Variants in COX7B2 observed in about 807,000 individuals in gnomAD.
The protein encoded by COX7B2 is cytochrome c oxidase subunit 7B2.
For synonymous variants in COX7B2, 37 were observed against 32.1 expected (o/e 1.15, Z -0.51); for missense variants, 109 against 95.9 (o/e 1.14, Z -0.57).
chr4:46,766,228 T>C (rs1716526069), intron 2 of COX7B2, among the ~76,000 whole-genome samples: 1 of 152,216 alleles, frequency 6.6e-6, no homozygotes, highest in African/African-American at 2.4e-5. Context: ...TGTAGGAATA[T>C]AGTAAAATTC....
intron 2 of COX7B2, among the ~76,000 whole-genome samples, chr4:46,761,077 G>A (rs889643830): frequency 1.3e-5 from 2 of 152,038 alleles, no homozygotes; most frequent in African/African-American, 4.8e-5. Context: ...ATCAAACACA[G>A]GACAACTTCT....
chr4:46,834,915 T>C (rs1313220219), intron 2 of COX7B2, among the ~76,000 whole-genome samples: 1 of 152,028 alleles, frequency 6.6e-6, no homozygotes, highest in African/African-American at 2.4e-5. Context: ...TGCTAGGCAA[T>C]GTGCAAGTCT....
intron 1 of COX7B2, among the ~76,000 whole-genome samples, chr4:46,881,481 G>A (rs528423752): frequency 2.6e-5 from 4 of 152,248 alleles, no homozygotes; most frequent in East Asian, 1.9e-4. Flanking sequence ...AATGGAAGGC[G>A]GCTGAACATG....
At chr4:46,805,979 T>C (rs193191788) in intron 2 of COX7B2, among the ~76,000 whole-genome samples, 158 of 152,298 alleles carry the variant, frequency 1.0e-3, no homozygotes, top group African/African-American at 3.6e-3. Context: ...ATCTTCCTAA[T>C]TCTTGGCACA....
intron 1 of COX7B2, among the ~76,000 whole-genome samples, chr4:46,888,058 T>C (rs1435557131): frequency 1.3e-5 from 2 of 152,152 alleles, no homozygotes; most frequent in African/African-American, 4.8e-5. Context: ...GAAAACAACA[T>C]TTCACAGTGA....
At chr4:46,824,739 T>C (rs572002749) in intron 2 of COX7B2, among the ~76,000 whole-genome samples, 1 of 148,772 alleles carries the variant, frequency 6.7e-6, no homozygotes, top group South Asian at 2.1e-4. Flanking sequence ...TGCAAATCAA[T>C]AAATGTAATT....
At chr4:46,806,659 G>C (rs1274895314) in intron 2 of COX7B2, among the ~76,000 whole-genome samples, 1 of 151,958 alleles carries the variant, frequency 6.6e-6, no homozygotes, top group Admixed American at 6.5e-5. Flanking sequence ...CTACCACTTT[G>C]TATCCCCTAA....
chr4:46,896,346 T>C (rs908377618), intron 1 of COX7B2, among the ~76,000 whole-genome samples: 2 of 152,206 alleles, frequency 1.3e-5, no homozygotes, highest in South Asian at 2.1e-4. Flanking sequence ...TTTATCACTG[T>C]AGCAGTTATG....
chr4:46,775,162 A>G (rs1227269809), intron 2 of COX7B2, among the ~76,000 whole-genome samples: 2 of 152,090 alleles, frequency 1.3e-5, no homozygotes, highest in Non-Finnish European at 2.9e-5. Flanking sequence ...CAGATTCTTT[A>G]AGATAATGAC....
intron 2 of COX7B2, among the ~76,000 whole-genome samples, chr4:46,786,906 G>T (rs567114549): frequency 1.3e-5 from 2 of 152,286 alleles, no homozygotes; most frequent in African/African-American, 4.8e-5. Flanking sequence ...TCTGGGCAAA[G>T]AACCCACCCT....
At chr4:46,758,604 A>T (rs1166193268) in intron 2 of COX7B2, among the ~76,000 whole-genome samples, 1 of 152,192 alleles carries the variant, frequency 6.6e-6, no homozygotes, top group Non-Finnish European at 1.5e-5. Context: ...AATAGCTGTG[A>T]ATAAGTCCAA....
chr4:46,882,737 A>C (rs1035482415), intron 1 of COX7B2, among the ~76,000 whole-genome samples: 1 of 152,104 alleles, frequency 6.6e-6, no homozygotes, highest in African/African-American at 2.4e-5. Flanking sequence ...GTTGACCCAA[A>C]TTTTTTAACA....
chr4:46,897,214 A>G (rs2109885654), intron 1 of COX7B2, among the ~76,000 whole-genome samples: 1 of 152,076 alleles, frequency 6.6e-6, no homozygotes, highest in East Asian at 1.9e-4. Flanking sequence ...CACTCAGGCC[A>G]CAGGCTCTGT....
intron 2 of COX7B2, among the ~76,000 whole-genome samples, chr4:46,812,830 A>G (rs1198370513): frequency 6.6e-6 from 1 of 152,184 alleles, no homozygotes; most frequent in African/African-American, 2.4e-5. Flanking sequence ...CCTCTGGATC[A>G]CTGGGTTCAG....
intron 1 of COX7B2, among the ~76,000 whole-genome samples, chr4:46,850,741 G>T (rs924947122): frequency 2.4e-4 from 37 of 151,966 alleles, no homozygotes; most frequent in Admixed American, 5.9e-4. Context: ...CTGTACATAG[G>T]TCGAACATAT....
At chr4:46,812,893 G>A (rs571104224) in intron 2 of COX7B2, among the ~76,000 whole-genome samples, 25 of 152,246 alleles carry the variant, frequency 1.6e-4, no homozygotes, top group African/African-American at 3.9e-4. Flanking sequence ...TTGGGCCAGG[G>A]GCTCATATTT....
intron 1 of COX7B2, among the ~76,000 whole-genome samples, chr4:46,869,249 G>T (rs2109819304): frequency 6.6e-6 from 1 of 152,004 alleles, no homozygotes; most frequent in South Asian, 2.1e-4. Context: ...CCTTTATTTT[G>T]AGCCTATGAG....
chr4:46,763,052 A>G (rs1033452097), intron 2 of COX7B2, among the ~76,000 whole-genome samples: 1 of 120,772 alleles, frequency 8.3e-6, no homozygotes, highest in South Asian at 2.4e-4. Flanking sequence ...ATATATTATA[A>G]TATGTAATAT....
intron 1 of COX7B2, among the ~76,000 whole-genome samples, chr4:46,907,847 A>ATTTTTTTTTTTTTT (rs1308450950): frequency 4.5e-5 from 3 of 67,232 alleles, no homozygotes; most frequent in Admixed American, 1.6e-4. Context: ...ATTTGAGCAG[A>ATTTTTTTTTTTTTT]CTTTTTTTTT....
Sources: gnomAD v4.1 joint callset for allele counts (sites outside exome capture counted in the v4.1 genomes callset) on GRCh38, gnomAD v4.1.1 for gene constraint, MANE v1.5 for transcripts, NCBI Gene and HGNC (gene_info 2026-07-23, HGNC 2026-07-21) for gene names.